CCDC171: variants seen among roughly 807,000 people sequenced by gnomAD.
CCDC171 encodes the protein coiled-coil domain containing 171, also known as coiled-coil domain-containing protein 171.
A neutral mutation model predicts 168.2 loss-of-function variants in CCDC171; 177 were observed. That is an observed-to-expected ratio of 1.05 (90% confidence interval 0.93 to 1.19). The LOEUF (loss-of-function observed/expected upper bound fraction) is 1.19. CCDC171 is among the 50% of genes most tolerant of loss of function. The pLI is 0.00. For missense variants in CCDC171, 1,991 were observed against 1,539.0 expected, an observed-to-expected ratio of 1.29 and a Z score of -4.91; for synonymous variants, 687 against 540.8, an observed-to-expected ratio of 1.27 and a Z score of -3.75.
intron 18 of CCDC171, among the ~76,000 whole-genome samples, chr9:15,758,450 A>G (rs1030775442): frequency 1.3e-5 from 2 of 152,118 alleles, no homozygotes; most frequent in Non-Finnish European, 2.9e-5. Flanking sequence ...GAAGTAACTA[A>G]CTTGCTTTTG....
chr9:15,787,873 A>G (rs2058050483), intron 21 of CCDC171, among the ~76,000 whole-genome samples: 1 of 152,154 alleles, frequency 6.6e-6, no homozygotes, highest in Admixed American at 6.6e-5. Flanking sequence ...AAATTTTTAT[A>G]AGCATATTGG....
exon 8 of CCDC171, chr9:16,036,170 A>C (rs764019939): frequency 1.3e-5 from 2 of 152,262 alleles, no homozygotes; most frequent in Non-Finnish European, 2.9e-5. Flanking sequence ...GTCTTTGCCT[A>C]TAGCTGGCTG....
intron 18 of CCDC171, among the ~76,000 whole-genome samples, chr9:15,768,595 T>C (rs1387950091): frequency 6.6e-6 from 1 of 152,224 alleles, no homozygotes; most frequent in East Asian, 1.9e-4. Flanking sequence ...TAGAATATTC[T>C]AAAACATATA....
chr9:15,714,621 G>C (rs1038246904), intron 11 of CCDC171, among the ~76,000 whole-genome samples: 38 of 152,250 alleles, frequency 2.5e-4, no homozygotes, highest in African/African-American at 8.9e-4. Context: ...CTGTTAGATG[G>C]TTGCATGTTT....
chr9:15,891,190 A>C lies in CCDC171; in HGVS notation c.3600+16527A>C, dbSNP rs1053797621. 1.6e-4 allele frequency among the ~76,000 whole-genome samples: 25 copies of C among 152,286 alleles called. No homozygotes were observed. In the Middle Eastern group the frequency reaches 0.01, roughly 62 times the overall value. On this transcript the variant is annotated intron_variant, in intron 24 of 25. Coordinates refer to ENST00000380701, the MANE Select transcript of CCDC171 (RefSeq NM_173550.4). ...AATAAAACTAACAGTTTGATGTGAA[A>C]AGAGGAAAGATAAGGCAGTCAAAAA...
intron 21 of CCDC171, among the ~76,000 whole-genome samples, chr9:15,837,514 C>T (rs927171686): frequency 6.6e-6 from 1 of 152,164 alleles, no homozygotes; most frequent in Non-Finnish European, 1.5e-5. Flanking sequence ...TGTTACTTCC[C>T]CAGAATATAT....
chr9:15,914,645 G>A (rs939175929), intron 24 of CCDC171, among the ~76,000 whole-genome samples: 2 of 151,932 alleles, frequency 1.3e-5, no homozygotes, highest in Non-Finnish European at 2.9e-5. Context: ...CCCCTTTCCA[G>A]GGGAGTGAAC....
chr9:15,653,312 G>C (rs2047673112), intron 7 of CCDC171, among the ~76,000 whole-genome samples: 1 of 151,798 alleles, frequency 6.6e-6, no homozygotes, highest in East Asian at 1.9e-4. Flanking sequence ...GCTAATTTTT[G>C]AATTTTTTTT....
At chr9:15,763,914 C>G (rs1004068776) in intron 18 of CCDC171, among the ~76,000 whole-genome samples, 6 of 151,428 alleles carry the variant, frequency 4.0e-5, no homozygotes, top group African/African-American at 1.5e-4. Context: ...GTTTTTATTT[C>G]CTTCGAGTAG....
chr9:15,842,604 C>T (rs1215214567), intron 21 of CCDC171, among the ~76,000 whole-genome samples: 2 of 151,654 alleles, frequency 1.3e-5, no homozygotes, highest in Non-Finnish European at 2.9e-5. Context: ...AAGAATTTTA[C>T]TTCAAAAAAG....
Position 15,578,889 on chromosome 9 carries a change from A to T in CCDC171, c.218A>T (p.Glu73Val), listed in dbSNP as rs756983997. The change falls in exon 4 of 26, where the codon GAG becomes GTG. Residue 73 changes from glutamate (E) to valine (V), a missense_variant. Physicochemically the swap from Glu to Val is moderately radical, Grantham distance 121. Coordinates refer to ENST00000380701, the MANE Select transcript of CCDC171 (RefSeq NM_173550.4). ...AGCCAGATTGCCAAGCTACGGTCCG[A>T]GGTTGAAAAGGGAGAAGCATTGCGA... ...YESQIAKLRS[E>V]VEKGEALRQS... The T allele has an allele frequency of 6.2e-6, 10 of 1,613,958 alleles. No homozygotes were observed. In the East Asian group the frequency reaches 6.7e-5, roughly 11 times the overall value.
Position 15,666,262 on chromosome 9 carries a change from G to T in CCDC171, c.1015G>T (p.Val339Phe), listed in dbSNP as rs764930844. The T allele has an allele frequency of 8.1e-6, 13 of 1,613,850 alleles. No individual in the cohort carries two copies. The South Asian group carries it at 1.4e-4, about 18-fold the overall frequency. The change falls in exon 9 of 26, where the codon GTT becomes TTT. Residue 339 changes from valine (V) to phenylalanine (F), a missense_variant. Val to Phe is a conservative substitution (Grantham distance 50, BLOSUM62 -1). Coordinates refer to ENST00000380701, the MANE Select transcript of CCDC171 (RefSeq NM_173550.4). ...LEIIKNEFKE[V>F]ESAYEREKHN... The stretch of plus-strand genomic sequence containing the variant: ...AATTATCAAGAATGAATTCAAAGAA[G>T]TTGAAAGTGCATATGAGCGAGAAAA...
At chr9:15,937,776 C>T (rs555697643) in intron 25 of CCDC171, among the ~76,000 whole-genome samples, 3 of 151,906 alleles carry the variant, frequency 2.0e-5, no homozygotes, top group Admixed American at 6.6e-5. Context: ...ACACCCAAGA[C>T]GTTAAATACA....
At chr9:15,833,772 A>G (rs1433364253) in intron 21 of CCDC171, among the ~76,000 whole-genome samples, 1 of 152,240 alleles carries the variant, frequency 6.6e-6, no homozygotes, top group Non-Finnish European at 1.5e-5. Flanking sequence ...TAATTTGCAG[A>G]TAATAATTTC....
At chr9:15,795,450 A>C (rs537798158) in intron 21 of CCDC171, among the ~76,000 whole-genome samples, 1 of 152,290 alleles carries the variant, frequency 6.6e-6, no homozygotes, top group African/African-American at 2.4e-5. Context: ...AAAAAATATA[A>C]CATGAATTTT....
chr9:15,839,290 A>G lies in CCDC171; in HGVS notation c.3268-7412A>G, dbSNP rs182945546. Among the ~76,000 whole-genome samples the G allele has an allele frequency of 2.5e-4, 38 of 152,254 alleles. 1 individual carries two copies. Among genetic ancestry groups the G allele is most frequent in the Admixed American group, 1.8e-3 (28 of 15,300 alleles). On this transcript the variant is annotated intron_variant, in intron 21 of 25. Coordinates refer to ENST00000380701, the MANE Select transcript of CCDC171 (RefSeq NM_173550.4). ...TTTAAATATATTAAAGTACCTTACT[A>G]ACTTTATGGAGTTTGATAAATAAGA...
intron 24 of CCDC171, among the ~76,000 whole-genome samples, chr9:15,877,490 T>C (rs1462101539): frequency 6.6e-6 from 1 of 152,178 alleles, no homozygotes; most frequent in African/African-American, 2.4e-5. Context: ...TCAAAAACTT[T>C]AAATAATTTT....
chr9:15,745,612 A>G lies in CCDC171; in HGVS notation c.2652A>G (p.Gln884=), dbSNP rs755833305. 1 of 1,558,754 alleles carries G rather than the reference A, an allele frequency of 6.4e-7. No individual in the cohort carries two copies. The highest frequency in any genetic ancestry group is 8.7e-7 in the Non-Finnish European group (1 of 1,156,030). Residue 884 remains glutamine (Q), a synonymous_variant, in exon 18 of 26, where the codon CAA becomes CAG. Transcript: ENST00000380701. Reference sequence around the variant, plus strand: ...TAATCAGTTCTATGGCTGAATTACAAGACGTCATTGGTAAAGCAGGTATGG... The same window carrying G: ...TAATCAGTTCTATGGCTGAATTACAGGACGTCATTGGTAAAGCAGGTATGG... The part of the protein sequence containing the change: ...AAIISSMAEL[Q]DVIGKADPNS...
At chr9:16,000,131 G>C (rs1048798751) in intron 3 of CCDC171, among the ~76,000 whole-genome samples, 1 of 152,150 alleles carries the variant, frequency 6.6e-6, no homozygotes, top group Admixed American at 6.5e-5. Flanking sequence ...CATCATATGA[G>C]AGTCACATTG....
Sources: gnomAD v4.1 joint callset for allele counts (sites outside exome capture counted in the v4.1 genomes callset) on GRCh38, gnomAD v4.1.1 for gene constraint, MANE v1.5 for transcripts, NCBI Gene and HGNC (gene_info 2026-07-23, HGNC 2026-07-21) for gene names.